PCDH9: variants seen among roughly 807,000 people sequenced by gnomAD.
PCDH9 encodes protocadherin-9.
PCDH9 carries 24 observed loss-of-function variants against 70.6 expected under a neutral mutation model. That is an observed-to-expected ratio of 0.34 (90% CI 0.25 to 0.48). The LOEUF is 0.48. Among genes scored for constraint, PCDH9 ranks in the 20% least tolerant of loss-of-function variants. The pLI, the probability that PCDH9 is intolerant of heterozygous loss-of-function variation, is 0.99. For synonymous variants in PCDH9, 562 were observed against 558.5 expected (o/e 1.01, Z -0.09); for missense variants, 1,281 against 1,503.6 (o/e 0.85, Z 2.45).
chr13:66,304,490 C>T lies in PCDH9; in HGVS notation c.*165G>A, dbSNP rs1360044738. 1.7e-6 allele frequency: 1 copy of T among 602,900 alleles called. No individual in the cohort carries two copies. The highest frequency in any genetic ancestry group is 2.9e-6 in the Non-Finnish European group (1 of 340,850). The allele number at this position is 602,900 out of a possible 1,614,324, so 37.3% of individuals were successfully genotyped here. A position where few individuals can be genotyped will look rare whatever the true frequency, so the allele number is the denominator to read the frequency against. On this transcript the variant is annotated 3_prime_UTR_variant, in exon 5 of 5. Transcript: ENST00000377865. ...AATTGCATGGCTAGAACTATCTTCT[C>T]TCATATGTTGCAAAAACATTGTATT...
rs139420723 is a variant in PCDH9, at chr13:66,622,789, G to A, written c.3340+8421C>T. ...CTGCCCGGGCAGGCAGTGGCAATCC[G>A]CGCTGGTGGACTTTCCCACTGTGGA... On this transcript the variant is annotated intron_variant, in intron 4 of 4. Transcript: ENST00000377865. Among the ~76,000 whole-genome samples, 15 of 152,304 alleles carry A rather than the reference G, an allele frequency of 9.8e-5. No individual in the cohort carries two copies. The East Asian group carries it at 1.2e-3, about 12-fold the overall frequency.
At chr13:66,879,695 T>C (rs2081888925) in intron 3 of PCDH9, among the ~76,000 whole-genome samples, 1 of 152,118 alleles carries the variant, frequency 6.6e-6, no homozygotes, top group South Asian at 2.1e-4. Context: ...TGACAAAAAA[T>C]GGCTCTACTT....
rs66460017 is a variant in PCDH9, at chr13:67,214,935, G to GATATATATATATATATATATATATAT, written c.3036+10444_3036+10469dup. On this transcript the variant is annotated intron_variant, in intron 2 of 4. Transcript: ENST00000377865. ...CTGAGTGTCTGGCTATTGCGAGCCA[G>GATATATATATATATATATATATATAT]ATATATATATATATATATATATATA... The GATATATATATATATATATATATATAT allele has an allele frequency of 2.0e-3, 180 of 89,262 alleles. 62 individuals are homozygous for GATATATATATATATATATATATATAT. Among genetic ancestry groups the GATATATATATATATATATATATATAT allele is most frequent in the East Asian group, 4.9e-3 (15 of 3,080 alleles). The allele number at this position is 89,262 out of a possible 1,614,324, so 5.5% of individuals were successfully genotyped here. A position where few individuals can be genotyped will look rare whatever the true frequency, so the allele number is the denominator to read the frequency against.
intron 2 of PCDH9, among the ~76,000 whole-genome samples, chr13:66,935,666 A>G (rs1194337231): frequency 1.3e-5 from 2 of 152,222 alleles, no homozygotes; most frequent in Non-Finnish European, 2.9e-5. Flanking sequence ...GAGAAATCAC[A>G]AAACAATAAG....
At chr13:66,893,277 G>T (rs989384804) in intron 3 of PCDH9, among the ~76,000 whole-genome samples, 1 of 152,120 alleles carries the variant, frequency 6.6e-6, no homozygotes. Context: ...ATTGGGATTT[G>T]CTCTAACAGA....
At chr13:66,808,260 A>G (rs1402459512) in intron 3 of PCDH9, among the ~76,000 whole-genome samples, 1 of 152,180 alleles carries the variant, frequency 6.6e-6, no homozygotes, top group Non-Finnish European at 1.5e-5. Flanking sequence ...GAAGGAAAGT[A>G]GGGCTGCTGA....
intron 3 of PCDH9, among the ~76,000 whole-genome samples, chr13:66,815,215 C>T (rs2080580487): frequency 6.6e-6 from 1 of 152,102 alleles, no homozygotes. Context: ...ATCAAAACCA[C>T]AATGAGATAC....
chr13:67,165,685 C>T (rs1417213181), intron 2 of PCDH9, among the ~76,000 whole-genome samples: 1 of 152,052 alleles, frequency 6.6e-6, no homozygotes, highest in Non-Finnish European at 1.5e-5. Context: ...ATGAGAATAT[C>T]TGTTTTTGGA....
intron 2 of PCDH9, among the ~76,000 whole-genome samples, chr13:67,116,569 T>G (rs1011589570): frequency 2.0e-5 from 3 of 152,156 alleles, no homozygotes; most frequent in Admixed American, 2.0e-4. Context: ...AAAAAAAAAT[T>G]TCTTGGGTTG....
intron 2 of PCDH9, among the ~76,000 whole-genome samples, chr13:67,101,702 TCA>T (rs760855141): frequency 9.9e-5 from 15 of 152,242 alleles, no homozygotes; most frequent in South Asian, 4.1e-4. Context: ...TATTTTAACC[TCA>T]GAGTGAATAA....
At chr13:66,331,702 C>G (rs1328017019) in intron 4 of PCDH9, among the ~76,000 whole-genome samples, 1 of 152,124 alleles carries the variant, frequency 6.6e-6, no homozygotes, top group Non-Finnish European at 1.5e-5. Context: ...AGGAATACAA[C>G]TAGGAACAAG....
At chr13:66,443,601 CTT>C (rs1566329143) in intron 4 of PCDH9, among the ~76,000 whole-genome samples, 1 of 151,850 alleles carries the variant, frequency 6.6e-6, no homozygotes, top group East Asian at 1.9e-4. Context: ...TAAGCTAAAA[CTT>C]TGGGAAACAT....
chr13:66,714,325 C>T (rs981302109), intron 3 of PCDH9, among the ~76,000 whole-genome samples: 16 of 151,694 alleles, frequency 1.1e-4, no homozygotes, highest in African/African-American at 3.4e-4. Flanking sequence ...ATTAGCCAGG[C>T]GTGGTGGCGG....
chr13:67,107,282 G>T (rs986857880), intron 2 of PCDH9, among the ~76,000 whole-genome samples: 4 of 150,402 alleles, frequency 2.7e-5, no homozygotes, highest in African/African-American at 9.8e-5. Flanking sequence ...GAAGCATGGG[G>T]GCCGGGCTGT....
chr13:66,485,912 G>A (rs1416134162), intron 4 of PCDH9, among the ~76,000 whole-genome samples: 1 of 151,808 alleles, frequency 6.6e-6, no homozygotes, highest in East Asian at 1.9e-4. Context: ...TTTTTTGCTA[G>A]AGATGGGGTT....
intron 4 of PCDH9, among the ~76,000 whole-genome samples, chr13:66,545,804 T>TTTTAC (rs1311009046): frequency 1.4e-5 from 1 of 70,590 alleles, no homozygotes; most frequent in Non-Finnish European, 3.1e-5. Flanking sequence ...TTCATTTTTA[T>TTTTAC]TTTACTTTAT....
At chr13:66,897,370 T>A (rs1324181760) in intron 3 of PCDH9, among the ~76,000 whole-genome samples, 1 of 151,914 alleles carries the variant, frequency 6.6e-6, no homozygotes. Flanking sequence ...TCTAAAGAAG[T>A]CTCAACTTTG....
At chr13:66,468,552 T>G (rs1422874235) in intron 4 of PCDH9, among the ~76,000 whole-genome samples, 1 of 152,154 alleles carries the variant, frequency 6.6e-6, no homozygotes, top group South Asian at 2.1e-4. Flanking sequence ...TTCATGACAA[T>G]ACATACTCTT....
At chr13:66,622,058 G>A (rs1038496259) in intron 4 of PCDH9, among the ~76,000 whole-genome samples, 1 of 152,238 alleles carries the variant, frequency 6.6e-6, no homozygotes, top group Non-Finnish European at 1.5e-5. Flanking sequence ...GGCCGGCCCT[G>A]TTGGCCCAGG....
Sources: allele counts gnomAD v4.1 joint callset (sites outside exome capture counted in the v4.1 genomes callset), GRCh38; gene constraint gnomAD v4.1.1; transcripts MANE v1.5; gene names NCBI Gene and HGNC (gene_info 2026-07-23, HGNC 2026-07-21).